Variants in HNRNPLL observed in about 807,000 individuals in gnomAD.
HNRNPLL encodes the protein heterogeneous nuclear ribonucleoprotein L-like.
HNRNPLL carries 25 observed loss-of-function variants against 67.1 expected under a neutral mutation model. The ratio of observed to expected loss-of-function variants is 0.37; its 90% confidence interval spans 0.27 to 0.52. HNRNPLL has a LOEUF of 0.52. Among genes scored for constraint, HNRNPLL ranks in the 20% least tolerant of loss-of-function variants. The probability of loss-of-function intolerance (pLI) is 0.90; values close to 1 mark genes in which losing one functional copy is unlikely to be tolerated. For missense variants in HNRNPLL, 542 were observed against 673.9 expected (o/e 0.80, Z 2.17); for synonymous variants, 267 against 241.7 (o/e 1.10, Z -0.97).
At chr2:38,602,414 G>C in intron 1 of HNRNPLL, 24 bp downstream of exon 1, 1 of 1,546,866 alleles carries the variant, frequency 6.5e-7, no homozygotes, top group Non-Finnish European at 8.7e-7. Context: ...AGGCACAGCG[G>C]ACAGGGGGGC....
chr2:38,570,186 A>G (rs1666016819), intron 8 of HNRNPLL, among the ~76,000 whole-genome samples: 1 of 152,222 alleles, frequency 6.6e-6, no homozygotes, highest in Non-Finnish European at 1.5e-5. Context: ...ATTTGAGGGC[A>G]ATATACTTAA....
At chr2:38,583,643 T>C (rs1009401517) in intron 4 of HNRNPLL, among the ~76,000 whole-genome samples, 198 bp downstream of exon 4, 7 of 152,214 alleles carry the variant, frequency 4.6e-5, no homozygotes, top group South Asian at 4.1e-4. Flanking sequence ...AAGCACTAGA[T>C]TGCTTTCTGG....
chr2:38,577,407 G>T, intron 7 of HNRNPLL, 54 bp downstream of exon 7: 1 of 1,076,118 alleles, frequency 9.3e-7, no homozygotes, highest in Non-Finnish European at 1.4e-6. Context: ...CATCAGAAAT[G>T]CAGCAAGTCA....
chr2:38,588,705 AT>A (rs1666836448), intron 2 of HNRNPLL, among the ~76,000 whole-genome samples: 1 of 152,148 alleles, frequency 6.6e-6, no homozygotes, highest in Middle Eastern at 3.2e-3. Context: ...TGTTACAGAC[AT>A]TTTAGCATGT....
intron 1 of HNRNPLL, among the ~76,000 whole-genome samples, chr2:38,596,882 A>T (rs776389518): frequency 6.6e-6 from 1 of 152,080 alleles, no homozygotes; most frequent in Non-Finnish European, 1.5e-5. Flanking sequence ...AAACTTACAT[A>T]ATCTCTTCTT....
intron 6 of HNRNPLL, chr2:38,581,589 T>G (rs1229082224): frequency 2.4e-6 from 1 of 409,854 alleles, no homozygotes; most frequent in East Asian, 3.8e-5. Context: ...TGTGCAAGTT[T>G]GCAGTTTGTA....
intron 1 of HNRNPLL, among the ~76,000 whole-genome samples, chr2:38,601,051 T>C (rs537829334): frequency 1.3e-5 from 2 of 152,242 alleles, no homozygotes; most frequent in Non-Finnish European, 2.9e-5. Flanking sequence ...ATATCAGTTA[T>C]AATATTCCTG....
At chr2:38,596,062 G>T (rs1572464067) in intron 1 of HNRNPLL, among the ~76,000 whole-genome samples, 1 of 149,700 alleles carries the variant, frequency 6.7e-6, no homozygotes. Flanking sequence ...CATTCTTTCT[G>T]TAGTGATAAA....
At chr2:38,592,063 C>T (rs564643098) in intron 1 of HNRNPLL, among the ~76,000 whole-genome samples, 2 of 152,092 alleles carry the variant, frequency 1.3e-5, no homozygotes, top group South Asian at 4.2e-4. Context: ...TTTTTTTAAT[C>T]CCAAACCAAA....
rs1450201488 is a variant in HNRNPLL, at chr2:38,569,799, A to G, written c.1214+5T>C. ...TAAAATTTATCATTTAAGATAGATA[A>G]TTACCAAACATTAAGTCTTTTCCCA... On this transcript the variant is annotated splice_donor_5th_base_variant and intron_variant, in intron 9 of 12. Coordinates refer to ENST00000449105, the MANE Select transcript of HNRNPLL (RefSeq NM_138394.4). 8.7e-6 allele frequency: 12 copies of G among 1,373,868 alleles called. No homozygotes were observed. The highest frequency in any genetic ancestry group is 7.3e-5 in the African/African-American group (5 of 68,358). The allele number at this position is 1,373,868 out of a possible 1,614,324, so 85.1% of individuals were successfully genotyped here.
At chr2:38,594,640 AT>A (rs1368048268) in intron 1 of HNRNPLL, among the ~76,000 whole-genome samples, 1 of 152,200 alleles carries the variant, frequency 6.6e-6, no homozygotes, top group African/African-American at 2.4e-5. Flanking sequence ...GAAAAAAGGT[AT>A]AAAGAACTTT....
intron 1 of HNRNPLL, among the ~76,000 whole-genome samples, chr2:38,597,327 T>G (rs540275122): frequency 1.3e-5 from 2 of 152,378 alleles, no homozygotes; most frequent in East Asian, 3.9e-4. Context: ...ATGCAATTTC[T>G]AGTGCCTTCT....
At chr2:38,597,877 C>A (rs962390743) in intron 1 of HNRNPLL, among the ~76,000 whole-genome samples, 1 of 151,846 alleles carries the variant, frequency 6.6e-6, no homozygotes, top group African/African-American at 2.4e-5. Flanking sequence ...TTAGTAGAGA[C>A]GAGGTTTCAC....
intron 10 of HNRNPLL, among the ~76,000 whole-genome samples, chr2:38,568,806 GA>G (rs1665965012): frequency 6.6e-6 from 1 of 152,072 alleles, no homozygotes; most frequent in Non-Finnish European, 1.5e-5. Context: ...TAAGTTAGGG[GA>G]AACAATATGG....
At position 38,579,441 on chromosome 2, in the gene HNRNPLL, T is replaced by C. The variant is rs192764711; in HGVS notation, c.803-1909A>G. ...AAAATAAAATAAAATAATTAAAAAA[T>C]TAATAATAATTCACTTCATTTGAAG... On this transcript the variant is annotated intron_variant, in intron 6 of 12. Coordinates refer to ENST00000449105, the MANE Select transcript of HNRNPLL (RefSeq NM_138394.4). Among the ~76,000 whole-genome samples, 18 of 151,844 alleles carry C rather than the reference T, an allele frequency of 1.2e-4. No homozygotes were observed. The East Asian group carries it at 1.4e-3, about 11-fold the overall frequency.
chr2:38,587,850 T>C (rs1573747009), intron 2 of HNRNPLL, among the ~76,000 whole-genome samples: 1 of 152,304 alleles, frequency 6.6e-6, no homozygotes, highest in Non-Finnish European at 1.5e-5. Context: ...GATTGGCTCA[T>C]GGGGGTGGTT....
intron 6 of HNRNPLL, chr2:38,577,834 G>A (rs1327040092): frequency 2.2e-6 from 1 of 456,770 alleles, no homozygotes; most frequent in Non-Finnish European, 4.4e-6. Flanking sequence ...TGTACACAAT[G>A]CTAGAAGTTT....
chr2:38,597,809 T>A (rs1385167177), intron 1 of HNRNPLL, among the ~76,000 whole-genome samples: 2 of 151,856 alleles, frequency 1.3e-5, no homozygotes, highest in Non-Finnish European at 2.9e-5. Flanking sequence ...TGCCTCAGCC[T>A]CCGGAGTAGC....
In HNRNPLL at chr2:38,602,597, C is replaced by T; in HGVS notation, c.30G>A (p.Glu10=). The T allele has an allele frequency of 6.4e-7, 1 of 1,570,512 alleles. No homozygotes were observed. Among genetic ancestry groups the T allele is most frequent in the East Asian group, 2.4e-5 (1 of 42,092 alleles). Residue 10 remains glutamate (E), a synonymous_variant, in exon 1 of 13, where the codon GAG becomes GAA. Transcript: ENST00000449105. The part of the protein sequence containing the change: MSSSSSSPR[E]TYEEDREYES... Reference sequence around the variant, plus strand: ...CGTACTCCCGGTCCTCCTCGTACGTCTCCCTGGGGGAGGAAGAGGAGGAGG... The same window carrying T: ...CGTACTCCCGGTCCTCCTCGTACGTTTCCCTGGGGGAGGAAGAGGAGGAGG...
Sources: allele counts gnomAD v4.1 joint callset (sites outside exome capture counted in the v4.1 genomes callset), GRCh38; gene constraint gnomAD v4.1.1; transcripts MANE v1.5; gene names NCBI Gene and HGNC (gene_info 2026-07-23, HGNC 2026-07-21).